Variants in GTSF1 observed in about 807,000 individuals in gnomAD.
The protein encoded by GTSF1 is gametocyte specific factor 1, also known as gametocyte-specific factor 1.
In GTSF1, 11 loss-of-function variants were observed where a neutral mutation model predicts 28.9. The observed-to-expected ratio is 0.38, with a 90% CI of 0.24 to 0.63. The LOEUF is 0.63. GTSF1 is among the 30% of genes least tolerant of loss of function. The pLI is 0.56. For missense variants in GTSF1, 146 were observed against 201.0 expected, an observed-to-expected ratio of 0.73 and a Z score of 1.66; for synonymous variants, 69 against 65.6, an observed-to-expected ratio of 1.05 and a Z score of -0.25.
intron 7 of GTSF1, among the ~76,000 whole-genome samples, chr12:54,459,930 T>G (rs1186620915): frequency 1.4e-5 from 2 of 146,284 alleles, no homozygotes; most frequent in African/African-American, 2.6e-5. Flanking sequence ...GTTTCACCGT[T>G]TTAGCCGGGA....
At chr12:54,456,892 C>G (rs1055482258) in intron 8 of GTSF1, among the ~76,000 whole-genome samples, 1 of 152,004 alleles carries the variant, frequency 6.6e-6, no homozygotes, top group South Asian at 2.1e-4. Flanking sequence ...CGAGACTGGC[C>G]TGGCCAACAT....
chr12:54,462,806 T>G, intron 4 of GTSF1, 81 bp from the exon 5 acceptor site: 1 of 1,123,058 alleles, frequency 8.9e-7, no homozygotes, highest in Non-Finnish European at 1.3e-6. Context: ...CTTAAAAGGT[T>G]GCAAGGGTAG....
At chr12:54,465,210 C>T (rs770818098) in intron 2 of GTSF1, 43 bp from the exon 3 acceptor site, 1 of 1,288,368 alleles carries the variant, frequency 7.8e-7, no homozygotes, top group South Asian at 1.2e-5. Context: ...GATAATAGGC[C>T]CTTGTAAAAC....
At chr12:54,470,218 G>A (rs1956577600) in intron 2 of GTSF1, among the ~76,000 whole-genome samples, 1 of 152,008 alleles carries the variant, frequency 6.6e-6, no homozygotes, top group African/African-American at 2.4e-5. Flanking sequence ...TAAGGGGCAG[G>A]GGATCCCTTT....
At chr12:54,457,432 C>G (rs1956350679) in intron 8 of GTSF1, among the ~76,000 whole-genome samples, 1 of 152,314 alleles carries the variant, frequency 6.6e-6, no homozygotes, top group African/African-American at 2.4e-5. Context: ...CAGGTCTGTT[C>G]AATGTATGCT....
At chr12:54,471,638 A>G (rs1235636833) in intron 1 of GTSF1, 5 of 161,390 alleles carry the variant, frequency 3.1e-5, no homozygotes, top group African/African-American at 1.2e-4. Flanking sequence ...TGACACTATT[A>G]ATATAATAGT....
intron 7 of GTSF1, 135 bp from the exon 8 acceptor site, chr12:54,459,260 A>G: frequency 1.4e-6 from 2 of 1,417,798 alleles, no homozygotes; most frequent in Non-Finnish European, 1.9e-6. Context: ...ATTTAATATT[A>G]GTAATCAGAT....
Position 54,465,181 on chromosome 12 carries a change from G to A in GTSF1, c.17-14C>T. On this transcript the variant is annotated splice_polypyrimidine_tract_variant and intron_variant, in intron 2 of 8. Coordinates refer to ENST00000305879, the MANE Select transcript of GTSF1 (RefSeq NM_144594.3). ...CCAGGGAGTCGGCTGAAAGACAGAA[G>A]TGTTTCAGTAGGTAAAACGATAATA... 1 of 1,589,666 alleles carries A rather than the reference G, an allele frequency of 6.3e-7. No individual in the cohort carries two copies. The highest frequency in any genetic ancestry group is 1.1e-5 in the South Asian group (1 of 90,576).
intron 7 of GTSF1, 69 bp from the exon 8 acceptor site, chr12:54,459,194 C>A (rs1389097511): frequency 1.6e-5 from 25 of 1,516,524 alleles, no homozygotes; most frequent in African/African-American, 4.1e-5. Flanking sequence ...CCTATTCTTA[C>A]TAAACACAAA....
At chr12:54,458,514 G>A (rs1229927979) in intron 8 of GTSF1, among the ~76,000 whole-genome samples, 34 of 152,134 alleles carry the variant, frequency 2.2e-4, no homozygotes, top group Admixed American at 2.2e-3. Context: ...TGGGATTACA[G>A]GCGTGCACCA....
intron 2 of GTSF1, chr12:54,468,954 C>T (rs1956558742): frequency 1.3e-5 from 2 of 152,122 alleles, no homozygotes; most frequent in Non-Finnish European, 1.5e-5. Flanking sequence ...AAAAATGTGG[C>T]TGAAAAAAGT....
intron 3 of GTSF1, 130 bp from the exon 4 acceptor site, chr12:54,463,427 G>A: frequency 1.4e-6 from 1 of 733,180 alleles, no homozygotes; most frequent in African/African-American, 1.8e-5. Context: ...ACTATAACAA[G>A]TAAACTCAGA....
intron 6 of GTSF1, among the ~76,000 whole-genome samples, chr12:54,461,021 G>C (rs1052262193): frequency 2.0e-5 from 3 of 152,160 alleles, no homozygotes; most frequent in Non-Finnish European, 4.4e-5. Flanking sequence ...TCCTAAACCA[G>C]AAATATTCTC....
At chr12:54,460,562 G>A in intron 6 of GTSF1, 91 bp from the exon 7 acceptor site, 1 of 822,212 alleles carries the variant, frequency 1.2e-6, no homozygotes, top group Non-Finnish European at 2.0e-6. Context: ...TTGTAATTTG[G>A]GGAAAAACAA....
chr12:54,457,866 G>T (rs1164615529), intron 8 of GTSF1, among the ~76,000 whole-genome samples: 5 of 152,094 alleles, frequency 3.3e-5, no homozygotes, highest in Non-Finnish European at 7.4e-5. Context: ...AATCTACTAG[G>T]AAAAATGGCT....
intron 4 of GTSF1, 104 bp downstream of exon 4, chr12:54,463,067 C>A: frequency 8.6e-7 from 1 of 1,157,790 alleles, no homozygotes. Context: ...AAGTATTGTT[C>A]TTCTAAAACA....
In GTSF1 at chr12:54,463,151, T is replaced by G. The variant is rs757292371; in HGVS notation, c.244+20A>C. ...GGAGCTACCCTCCAGTACTGAAATA[T>G]TTTAGATACTAAGTCTTACCAACAT... is the stretch of plus-strand genomic sequence containing the variant. On this transcript the variant is annotated intron_variant, in intron 4 of 8. Coordinates refer to ENST00000305879, the MANE Select transcript of GTSF1 (RefSeq NM_144594.3). The G allele has an allele frequency of 4.3e-6, 7 of 1,610,270 alleles. No homozygotes were observed. The highest frequency in any genetic ancestry group is 5.9e-6 in the Non-Finnish European group (7 of 1,177,988).
intron 2 of GTSF1, among the ~76,000 whole-genome samples, chr12:54,467,391 T>C (rs1956534593): frequency 6.6e-6 from 1 of 151,920 alleles, no homozygotes; most frequent in Non-Finnish European, 1.5e-5. Context: ...CTTGGCTCAC[T>C]GCAACCTCCA....
At chr12:54,462,029 T>C (rs1020786726) in intron 6 of GTSF1, 80 bp downstream of exon 6, 1 of 1,020,004 alleles carries the variant, frequency 9.8e-7, no homozygotes, top group Non-Finnish European at 1.5e-6. Context: ...AAGTGGTCAA[T>C]TCATGCTCCG....
Sources: allele counts gnomAD v4.1 joint callset (sites outside exome capture counted in the v4.1 genomes callset), GRCh38; gene constraint gnomAD v4.1.1; transcripts MANE v1.5; gene names NCBI Gene and HGNC (gene_info 2026-07-23, HGNC 2026-07-21).